GFOD1: variants seen among roughly 807,000 people sequenced by gnomAD.
GFOD1 encodes glucose-fructose oxidoreductase domain-containing protein 1.
A neutral mutation model predicts 25.4 loss-of-function variants in GFOD1; 9 were observed. The ratio of observed to expected loss-of-function variants is 0.35; its 90% CI spans 0.21 to 0.62. The LOEUF is 0.62. Among genes scored for constraint, GFOD1 ranks in the 20% least tolerant of loss-of-function variants. The probability of loss-of-function intolerance (pLI) is 0.72; values close to 1 mark genes in which losing one functional copy is unlikely to be tolerated. For missense variants in GFOD1, 403 were observed against 556.9 expected, an observed-to-expected ratio of 0.72 and a Z score of 2.78; for synonymous variants, 253 against 245.6, an observed-to-expected ratio of 1.03 and a Z score of -0.28.
At position 13,486,768 on chromosome 6, in the gene GFOD1, C is replaced by T. The variant is rs749733264; in HGVS notation, c.123G>A (p.Glu41=). Residue 41 remains glutamate, a synonymous_variant, in exon 1 of 2, where the codon GAG becomes GAA. Transcript: ENST00000379287. ...AGGGGACACTCATCTCCTTGGCCAG[C>T]TCCTCCGCTTCTTCCTGCGTGCGGC... ...LWGRTQEEAE[E]LAKEMSVPFY... is the part of the protein sequence containing the mutation. 1 of 1,614,192 alleles carries T rather than the reference C, an allele frequency of 6.2e-7. No individual in the cohort carries two copies. The highest frequency in any genetic ancestry group is 2.2e-5 in the East Asian group (1 of 44,882).
chr6:13,381,436 C>T (rs1416179776), intron 1 of GFOD1, among the ~76,000 whole-genome samples: 1 of 152,298 alleles, frequency 6.6e-6, no homozygotes, highest in East Asian at 1.9e-4. Flanking sequence ...GGCCAGGATA[C>T]AGGTAATAAA....
intron 1 of GFOD1, chr6:13,470,311 A>C: frequency 6.3e-7 from 1 of 1,582,956 alleles, no homozygotes; most frequent in African/African-American, 1.3e-5. Context: ...GGCCCGCTGC[A>C]TTCAGGCAAG....
intron 1 of GFOD1, among the ~76,000 whole-genome samples, chr6:13,417,748 TA>T: frequency 6.6e-6 from 1 of 152,312 alleles, no homozygotes; most frequent in African/African-American, 2.4e-5. Context: ...AGCAGGAGAA[TA>T]ATTCCCGGAA....
chr6:13,422,305 G>A (rs916273022), intron 1 of GFOD1, among the ~76,000 whole-genome samples: 6 of 152,308 alleles, frequency 3.9e-5, no homozygotes, highest in Middle Eastern at 6.8e-3. Flanking sequence ...TGTCCGAACG[G>A]ATTCTCAGGA....
chr6:13,483,572 G>T (rs9463828), intron 1 of GFOD1, among the ~76,000 whole-genome samples: 1,542 of 151,854 alleles, frequency 0.01, 37 homozygotes, highest in African/African-American at 0.035. Context: ...GGTTGGGTGG[G>T]GTGGACTGGA....
At chr6:13,449,976 G>A (rs1758067068) in intron 1 of GFOD1, among the ~76,000 whole-genome samples, 1 of 152,238 alleles carries the variant, frequency 6.6e-6, no homozygotes, top group South Asian at 2.1e-4. Flanking sequence ...TCCTGACTTG[G>A]TTCTGGAGAA....
intron 1 of GFOD1, among the ~76,000 whole-genome samples, chr6:13,400,880 CG>C (rs1409427084): frequency 2.0e-5 from 3 of 152,098 alleles, no homozygotes; most frequent in Non-Finnish European, 4.4e-5. Context: ...GAAAGAGGCA[CG>C]AGAGTCCTCT....
At chr6:13,448,394 T>C (rs1460337652) in intron 1 of GFOD1, among the ~76,000 whole-genome samples, 1 of 152,142 alleles carries the variant, frequency 6.6e-6, no homozygotes, top group African/African-American at 2.4e-5. Context: ...CTCCTCCCAA[T>C]TGTTTATCCT....
chr6:13,469,380 A>T lies in GFOD1; in HGVS notation c.253+17258T>A, dbSNP rs191038964. The stretch of plus-strand genomic sequence containing the variant: ...AATAACATTTTCTCAATTTTTTAAC[A>T]TCCTGTGGGATACATGCAGTCCCCA... On this transcript the variant is annotated intron_variant, in intron 1 of 1. Coordinates refer to ENST00000379287, the MANE Select transcript of GFOD1 (RefSeq NM_018988.4). The T allele has an allele frequency of 1.2e-4, 118 of 985,426 alleles. 1 individual carries two copies. In the East Asian group the frequency reaches 1.9e-3, roughly 16 times the overall value. 61.0% of individuals were successfully genotyped at this position (985,426 alleles called of 1,614,324 possible).
chr6:13,449,629 G>A (rs560422482), intron 1 of GFOD1, among the ~76,000 whole-genome samples: 7 of 152,192 alleles, frequency 4.6e-5, no homozygotes, highest in Admixed American at 1.3e-4. Context: ...TCATCGGGGC[G>A]GTTTCCCCCA....
At chr6:13,458,739 A>C (rs1758236233) in intron 1 of GFOD1, among the ~76,000 whole-genome samples, 1 of 124,788 alleles carries the variant, frequency 8.0e-6, no homozygotes, top group African/African-American at 2.8e-5. Flanking sequence ...CAGCAAAAAG[A>C]CTCCATTTCC....
At chr6:13,468,768 C>T (rs1295642351) in intron 1 of GFOD1, among the ~76,000 whole-genome samples, 2 of 152,158 alleles carry the variant, frequency 1.3e-5, no homozygotes, top group African/African-American at 2.4e-5. Context: ...CCACTATTCC[C>T]CACAGCCTCC....
At position 13,363,637 on chromosome 6, in the gene GFOD1, A is replaced by T. The variant is rs1241926016; in HGVS notation, c.*1106T>A. ...TGAAGGCTTCCTTTCTAAATCCACA[A>T]AGCTGGATGAATCTCCTAAAAGCTC... is the stretch of plus-strand genomic sequence containing the variant. On this transcript the variant is annotated 3_prime_UTR_variant, in exon 2 of 2. Coordinates refer to ENST00000379287, the MANE Select transcript of GFOD1 (RefSeq NM_018988.4). 6.7e-6 allele frequency: 1 copy of T among 149,636 alleles called. No individual in the cohort carries two copies. The highest frequency in any genetic ancestry group is 2.5e-5 in the African/African-American group (1 of 40,148). 9.3% of individuals were successfully genotyped at this position (149,636 alleles called of 1,614,324 possible).
intron 1 of GFOD1, among the ~76,000 whole-genome samples, chr6:13,382,139 C>G (rs1785379118): frequency 6.6e-6 from 1 of 152,142 alleles, no homozygotes; most frequent in Non-Finnish European, 1.5e-5. Flanking sequence ...GATCCAAACC[C>G]CCATAATCTG....
intron 1 of GFOD1, among the ~76,000 whole-genome samples, chr6:13,435,649 T>G (rs1584650378): frequency 1.3e-5 from 2 of 152,290 alleles, no homozygotes; most frequent in Middle Eastern, 6.8e-3. Flanking sequence ...CTGCATGCCT[T>G]CCCCGGAAGC....
At position 13,389,753 on chromosome 6, in the gene GFOD1, A is replaced by G. The variant is rs1221156299; in HGVS notation, c.254-24091T>C. ...GTTCTGTACATGTACCCTAGAACTTAAAGTATAATGATAATAAAAAATCTA... is the reference window on the plus strand; with the variant it reads ...GTTCTGTACATGTACCCTAGAACTTGAAGTATAATGATAATAAAAAATCTA... On this transcript the variant is annotated intron_variant, in intron 1 of 1. Transcript: ENST00000379287. Among the ~76,000 whole-genome samples, 3 of 152,192 alleles carry G rather than the reference A, an allele frequency of 2.0e-5. No individual in the cohort carries two copies. The South Asian group carries it at 6.2e-4, about 31-fold the overall frequency.
At chr6:13,402,378 C>T (rs1785863952) in intron 1 of GFOD1, among the ~76,000 whole-genome samples, 2 of 152,090 alleles carry the variant, frequency 1.3e-5, no homozygotes, top group African/African-American at 4.8e-5. Context: ...TAAAGGACAT[C>T]ATCAAGATAT....
intron 1 of GFOD1, 198 bp downstream of exon 1, chr6:13,486,440 A>G (rs1758872349): frequency 1.6e-6 from 1 of 618,812 alleles, no homozygotes; most frequent in Non-Finnish European, 2.8e-6. Flanking sequence ...AGGAGGCAGG[A>G]GGGAAGCGCA....
intron 1 of GFOD1, among the ~76,000 whole-genome samples, chr6:13,460,059 A>G (rs1170963628): frequency 1.3e-5 from 2 of 152,354 alleles, no homozygotes; most frequent in East Asian, 3.9e-4. Context: ...ACTTGAACTC[A>G]GGAGGCGGAG....
Sources: gnomAD v4.1 joint callset for allele counts (sites outside exome capture counted in the v4.1 genomes callset) on GRCh38, gnomAD v4.1.1 for gene constraint, MANE v1.5 for transcripts, NCBI Gene and HGNC (gene_info 2026-07-23, HGNC 2026-07-21) for gene names.